Variants in PALM2AKAP2 observed in about 807,000 individuals in gnomAD.
PALM2AKAP2 encodes PALM2-AKAP2 fusion protein.
A neutral mutation model predicts 71.5 loss-of-function variants in PALM2AKAP2; 37 were observed. That is an observed-to-expected ratio of 0.52 (90% CI 0.40 to 0.68). The LOEUF (loss-of-function observed/expected upper bound fraction) is 0.68. Among genes scored for constraint, PALM2AKAP2 ranks in the 30% least tolerant of loss-of-function variants. The pLI is 0.00. For missense variants in PALM2AKAP2, 1,224 were observed against 1,191.8 expected (o/e 1.03, Z -0.40); for synonymous variants, 468 against 478.8 (o/e 0.98, Z 0.29).
chr9:109,866,418 A>G (rs1348224767), intron 1 of PALM2AKAP2, among the ~76,000 whole-genome samples: 1 of 152,208 alleles, frequency 6.6e-6, no homozygotes, highest in East Asian at 1.9e-4. Context: ...ACGCTTTGGA[A>G]ACAGAACATT....
At chr9:110,007,077 T>TA (rs1193096069) in intron 6 of PALM2AKAP2, among the ~76,000 whole-genome samples, 1 of 152,124 alleles carries the variant, frequency 6.6e-6, no homozygotes, top group African/African-American at 2.4e-5. Context: ...TCTTTTTTCT[T>TA]AAAAAGGGAG....
intron 6 of PALM2AKAP2, among the ~76,000 whole-genome samples, chr9:109,950,790 A>G (rs1019358920): frequency 7.3e-6 from 1 of 136,732 alleles, no homozygotes; most frequent in East Asian, 2.8e-4. Flanking sequence ...TCATGGAGAC[A>G]ACTCCAAAAT....
chr9:109,664,931 T>C (rs1471922544), intron 1 of PALM2AKAP2, among the ~76,000 whole-genome samples: 2 of 152,220 alleles, frequency 1.3e-5, no homozygotes, highest in Non-Finnish European at 2.9e-5. Context: ...ATTTCATTAA[T>C]TTGATCTTCA....
intron 1 of PALM2AKAP2, among the ~76,000 whole-genome samples, chr9:109,681,674 T>C (rs1711664006): frequency 1.3e-5 from 2 of 152,228 alleles, no homozygotes; most frequent in African/African-American, 4.8e-5. Context: ...GCTGAATGGA[T>C]AGGCTGAAAT....
intron 1 of PALM2AKAP2, among the ~76,000 whole-genome samples, chr9:109,862,490 G>A (rs1829339074): frequency 6.8e-6 from 1 of 148,112 alleles, no homozygotes; most frequent in Non-Finnish European, 1.5e-5. Context: ...TAATCCTAGT[G>A]GTATGTTTTT....
At chr9:109,930,728 C>T (rs180765364) in intron 5 of PALM2AKAP2, among the ~76,000 whole-genome samples, 11 of 152,140 alleles carry the variant, frequency 7.2e-5, no homozygotes, top group South Asian at 2.1e-4. Flanking sequence ...GGAAGCAGTA[C>T]GAGTGGGGAT....
At chr9:109,744,232 T>C (rs1329121755) in intron 1 of PALM2AKAP2, among the ~76,000 whole-genome samples, 2 of 152,186 alleles carry the variant, frequency 1.3e-5, no homozygotes, top group Non-Finnish European at 2.9e-5. Context: ...TTGTTAGATG[T>C]GGAGGGCAGA....
intron 1 of PALM2AKAP2, among the ~76,000 whole-genome samples, chr9:109,855,817 G>A (rs1829147414): frequency 6.6e-6 from 1 of 152,222 alleles, no homozygotes; most frequent in Non-Finnish European, 1.5e-5. Flanking sequence ...AAGAAGGGAA[G>A]TACAGTGTTG....
In PALM2AKAP2 at chr9:109,821,160, G is replaced by A. The variant is rs193098193; in HGVS notation, c.45+40627G>A. Among the ~76,000 whole-genome samples the A allele has an allele frequency of 1.5e-3, 227 of 152,300 alleles. 1 individual carries two copies. Among genetic ancestry groups the A allele is most frequent in the African/African-American group, 5.0e-3 (206 of 41,564 alleles). On this transcript the variant is annotated intron_variant, in intron 1 of 9. Coordinates refer to the PALM2AKAP2 transcript ENST00000302798. ...AGGTGGCAGCCTTGTGAGCTGCCAGGTGGGACCAGGTGCAACCCACAGCAA... is the reference window on the plus strand; with the variant it reads ...AGGTGGCAGCCTTGTGAGCTGCCAGATGGGACCAGGTGCAACCCACAGCAA...
intron 1 of PALM2AKAP2, among the ~76,000 whole-genome samples, chr9:109,669,645 T>C (rs897665371): frequency 6.6e-6 from 1 of 152,094 alleles, no homozygotes; most frequent in Non-Finnish European, 1.5e-5. Flanking sequence ...TACTCAGATA[T>C]TTATATTTCT....
chr9:110,014,839 T>C (rs1450337839), intron 6 of PALM2AKAP2, among the ~76,000 whole-genome samples: 28 of 97,258 alleles, frequency 2.9e-4, no homozygotes, highest in African/African-American at 1.1e-3. Flanking sequence ...TATATATATA[T>C]ATATATATAT....
At chr9:109,849,245 G>A (rs913361) in intron 1 of PALM2AKAP2, among the ~76,000 whole-genome samples, 21,135 of 152,014 alleles carry the variant, frequency 0.14, 1,853 homozygotes, top group East Asian at 0.25. Context: ...AAGATCAAAT[G>A]CAGGGCCCAG....
intron 1 of PALM2AKAP2, among the ~76,000 whole-genome samples, chr9:109,853,795 G>A (rs1829083049): frequency 6.6e-6 from 1 of 152,184 alleles, no homozygotes; most frequent in Non-Finnish European, 1.5e-5. Context: ...TTGACACTGG[G>A]TATTACAGTT....
intron 2 of PALM2AKAP2, among the ~76,000 whole-genome samples, chr9:110,142,068 C>CTTTTTTTTT (rs994621645): frequency 2.5e-5 from 3 of 121,838 alleles, no homozygotes; most frequent in Non-Finnish European, 3.5e-5. Context: ...TCTTATTTTA[C>CTTTTTTTTT]TTTTTTTTTT....
At chr9:110,100,790 T>G (rs1307982359) in intron 1 of PALM2AKAP2, among the ~76,000 whole-genome samples, 1 of 152,182 alleles carries the variant, frequency 6.6e-6, no homozygotes, top group African/African-American at 2.4e-5. Context: ...AGTGGGCACA[T>G]GACAAAGACA....
At chr9:109,732,446 G>A (rs542770998) in intron 1 of PALM2AKAP2, among the ~76,000 whole-genome samples, 2 of 152,314 alleles carry the variant, frequency 1.3e-5, no homozygotes, top group South Asian at 4.1e-4. Flanking sequence ...ATTTATAATT[G>A]ATTGCTGTCA....
chr9:109,807,303 T>C (rs903621589), intron 1 of PALM2AKAP2, among the ~76,000 whole-genome samples: 5 of 152,172 alleles, frequency 3.3e-5, no homozygotes, highest in African/African-American at 7.2e-5. Context: ...TTTTTGGAGA[T>C]GTTGGTCTGA....
At chr9:110,064,224 A>T (rs1229573689) in intron 1 of PALM2AKAP2, among the ~76,000 whole-genome samples, 1 of 152,178 alleles carries the variant, frequency 6.6e-6, no homozygotes, top group Non-Finnish European at 1.5e-5. Context: ...GAGGAGGAGG[A>T]AGGAGTGGAA....
rs774736574 is a variant in PALM2AKAP2, at chr9:109,880,685, G to A, written c.257+4G>A. ...AACTTGAAGATAACATTCAGAGGTA[G>A]GTGGCTTCCAGCCCAGGGAACCCAT... is the stretch of plus-strand genomic sequence containing the variant. On this transcript the variant is annotated splice_donor_region_variant and intron_variant, in intron 3 of 9. Coordinates refer to the PALM2AKAP2 transcript ENST00000302798. The A allele has an allele frequency of 1.2e-6, 2 of 1,613,540 alleles. No individual in the cohort carries two copies. The highest frequency in any genetic ancestry group is 1.7e-6 in the Non-Finnish European group (2 of 1,179,754).
Sources: gnomAD v4.1 joint callset for allele counts (sites outside exome capture counted in the v4.1 genomes callset) on GRCh38, gnomAD v4.1.1 for gene constraint, MANE v1.5 for transcripts, NCBI Gene and HGNC (gene_info 2026-07-23, HGNC 2026-07-21) for gene names.